Variants in PIK3R2 observed in about 807,000 individuals in gnomAD.
PIK3R2 encodes phosphoinositide-3-kinase regulatory subunit 2, also known as phosphatidylinositol 3-kinase regulatory subunit beta.
Under a neutral mutation model 78.5 loss-of-function variants are expected in PIK3R2, and 40 were observed. The ratio of observed to expected loss-of-function variants is 0.51; its 90% confidence interval spans 0.40 to 0.66. PIK3R2 has a LOEUF of 0.66. Ranked by LOEUF, PIK3R2 falls within the 30% of genes least tolerant of loss-of-function variation. The probability of loss-of-function intolerance (pLI) is 0.00; values close to 1 mark genes in which losing one functional copy is unlikely to be tolerated. For synonymous variants in PIK3R2, 473 were observed against 457.7 expected (o/e 1.03, Z -0.43); for missense variants, 880 against 1,026.6 (o/e 0.86, Z 1.95).
intron 2 of PIK3R2, among the ~76,000 whole-genome samples, chr19:18,158,043 T>G (rs916903663): frequency 6.6e-6 from 1 of 152,264 alleles, no homozygotes; most frequent in African/African-American, 2.4e-5. Context: ...TAATTTTCTT[T>G]CTTTTCTAAA....
At position 18,153,301 on chromosome 19, in the gene PIK3R2, C is replaced by T. The variant is rs2043632838; in HGVS notation, c.-424+7C>T. Reference sequence around the variant, plus strand: ...CGGTGGCGGCCGCGACCAGGTGAGTCCTGACTGGCCCTCGTGGCGGGGGCG... The same window carrying T: ...CGGTGGCGGCCGCGACCAGGTGAGTTCTGACTGGCCCTCGTGGCGGGGGCG... On this transcript the variant is annotated splice_region_variant and intron_variant, in intron 1 of 15. Coordinates refer to ENST00000222254, the MANE Select transcript of PIK3R2 (RefSeq NM_005027.4). 1 of 153,882 alleles carries T rather than the reference C, an allele frequency of 6.5e-6. No individual in the cohort carries two copies. The highest frequency in any genetic ancestry group is 6.5e-5 in the Admixed American group (1 of 15,290). 9.5% of individuals were successfully genotyped at this position (153,882 alleles called of 1,614,324 possible).
intron 3 of PIK3R2, 80 bp downstream of exon 3, chr19:18,160,643 T>G (rs1195948690): frequency 8.8e-7 from 1 of 1,139,150 alleles, no homozygotes; most frequent in Non-Finnish European, 1.3e-6. Flanking sequence ...TCACAGGGCC[T>G]CCAAGCTCAT....
At chr19:18,169,040 G>T in intron 15 of PIK3R2, 47 bp from the exon 16 acceptor site, 1 of 1,585,098 alleles carries the variant, frequency 6.3e-7, no homozygotes. Flanking sequence ...GGGAAAGCTT[G>T]GCGGGGAGGC....
chr19:18,166,424 C>A, intron 12 of PIK3R2, 122 bp downstream of exon 12: 2 of 813,150 alleles, frequency 2.5e-6, no homozygotes, highest in Non-Finnish European at 3.9e-6. Flanking sequence ...TTGAAATGGA[C>A]TTTGGGCCTG....
In PIK3R2 at chr19:18,170,426, C is replaced by A. The variant is rs1482628271; in HGVS notation, c.*1132C>A. 3.3e-5 allele frequency: 5 copies of A among 152,232 alleles called. No homozygotes were observed. The highest frequency in any genetic ancestry group is 3.3e-4 in the Admixed American group (5 of 15,284). 9.4% of individuals were successfully genotyped at this position (152,232 alleles called of 1,614,324 possible). On this transcript the variant is annotated 3_prime_UTR_variant, in exon 16 of 16. Coordinates refer to ENST00000222254, the MANE Select transcript of PIK3R2 (RefSeq NM_005027.4). ...TCCTCTCCTCTTTTGGGACAAGAGC[C>A]CTGGTTTTCTACGCTGCCCTTGGCC... is the stretch of plus-strand genomic sequence containing the variant.
In PIK3R2 at chr19:18,163,253, G is replaced by A. The variant is rs371619761; in HGVS notation, c.1291-10G>A. 33 of 1,614,078 alleles carry A rather than the reference G, an allele frequency of 2.0e-5. No homozygotes were observed. The highest frequency in any genetic ancestry group is 5.3e-5 in the African/African-American group (4 of 75,006). ...TATGCATCTCCCCTCATTCCGCCAC[G>A]TATCTCCAGGACCAGATTGTCAAGG... On this transcript the variant is annotated splice_polypyrimidine_tract_variant and intron_variant, in intron 10 of 15. Coordinates refer to ENST00000222254, the MANE Select transcript of PIK3R2 (RefSeq NM_005027.4).
Position 18,161,411 on chromosome 19 carries a change from G to C in PIK3R2, c.731G>C (p.Arg244Pro). 8.2e-7 allele frequency: 1 copy of C among 1,213,118 alleles called. No individual in the cohort carries two copies. The highest frequency in any genetic ancestry group is 1.0e-6 in the Non-Finnish European group (1 of 977,838). 75.1% of individuals were successfully genotyped at this position (1,213,118 alleles called of 1,614,324 possible). ...GCCCCGGCCCTGGGTCCCGCGGTCC[G>C]GGCCCTGGGCGCCACCTTTGGGCCG... ...SRAPALGPAV[R>P]ALGATFGPLL... Residue 244 changes from arginine (R) to proline (P), a missense_variant, in exon 6 of 16, where the codon CGG becomes CCG. Arg to Pro is a moderately radical substitution (Grantham distance 103). Around this residue, in one of 3 missense-constraint regions of PIK3R2, gnomAD observed 456 missense variants for 486.6 expected, o/e 0.94. Coordinates refer to ENST00000222254, the MANE Select transcript of PIK3R2 (RefSeq NM_005027.4). This position sits in a 1 kb window ranked among gnomAD's most constrained non-coding sequence, Gnocchi z 5.3.
In PIK3R2 at chr19:18,161,773, A is replaced by G. The variant is rs890444756; in HGVS notation, c.816-193A>G. 6.6e-6 allele frequency among the ~76,000 whole-genome samples: 1 copy of G among 152,118 alleles called. No homozygotes were observed. Among genetic ancestry groups the G allele is most frequent in the South Asian group, 2.1e-4 (1 of 4,828 alleles). ...GGTCTCTCGCTCGCCTTTGTGTGAG[A>G]ATCTATGGAGCACTTACTGCATACA... On this transcript the variant is annotated intron_variant, in intron 6 of 15. Coordinates refer to ENST00000222254, the MANE Select transcript of PIK3R2 (RefSeq NM_005027.4). The surrounding 1 kb of genome is among the most constrained non-coding windows in gnomAD (Gnocchi z 5.3).
Position 18,161,411 on chromosome 19 carries a change from G to T in PIK3R2, c.731G>T (p.Arg244Leu), listed in dbSNP as rs1274235759. The change falls in exon 6 of 16, where the codon CGG becomes CTG. Residue 244 changes from arginine (R) to leucine (L), a missense_variant. Around this residue, in one of 3 missense-constraint regions of PIK3R2, gnomAD observed 456 missense variants for 486.6 expected, o/e 0.94. Transcript: ENST00000222254. The surrounding 1 kb of genome is among the most constrained non-coding windows in gnomAD (Gnocchi z 5.3). ...SRAPALGPAVRALGATFGPLL... is the reference protein window; with the variant it reads ...SRAPALGPAVLALGATFGPLL... ...GCCCCGGCCCTGGGTCCCGCGGTCC[G>T]GGCCCTGGGCGCCACCTTTGGGCCG... 6.6e-6 allele frequency: 8 copies of T among 1,213,118 alleles called. No homozygotes were observed. The highest frequency in any genetic ancestry group is 8.2e-6 in the Non-Finnish European group (8 of 977,838). 75.1% of individuals were successfully genotyped at this position (1,213,118 alleles called of 1,614,324 possible).
chr19:18,156,188 G>T lies in PIK3R2; in HGVS notation c.309G>T (p.Gly103=). The change falls in exon 2 of 16, where the codon GGG becomes GGT. Residue 103 remains glycine, a synonymous_variant. Coordinates refer to ENST00000222254, the MANE Select transcript of PIK3R2 (RefSeq NM_005027.4). The surrounding 1 kb of genome is among the most constrained non-coding windows in gnomAD (Gnocchi z 4.2). ...PRPLPARPRD[G]APEPGLTLPD... ...CACTGCCCGCCAGGCCCCGTGATGGGGCCCCTGAGCCAGGTGAGCAGCAAG... is the reference window on the plus strand; with the variant it reads ...CACTGCCCGCCAGGCCCCGTGATGGTGCCCCTGAGCCAGGTGAGCAGCAAG... The T allele has an allele frequency of 6.8e-7, 1 of 1,462,096 alleles. No individual in the cohort carries two copies. Among genetic ancestry groups the T allele is most frequent in the South Asian group, 1.5e-5 (1 of 68,230 alleles). 90.6% of individuals were successfully genotyped at this position (1,462,096 alleles called of 1,614,324 possible).
At chr19:18,165,213 C>CA (rs34085712) in intron 11 of PIK3R2, among the ~76,000 whole-genome samples, 85,342 of 150,874 alleles carry the variant, frequency 0.57, 24,216 homozygotes, top group East Asian at 0.74. Flanking sequence ...ACTAAAAATA[C>CA]AAAAAATTAG....
Position 18,168,646 on chromosome 19 carries a change from A to G in PIK3R2, c.1809-80A>G. 1 of 1,248,468 alleles carries G rather than the reference A, an allele frequency of 8.0e-7. No homozygotes were observed. Among genetic ancestry groups the G allele is most frequent in the Non-Finnish European group, 1.2e-6 (1 of 851,976 alleles). The allele number at this position is 1,248,468 out of a possible 1,614,324, so 77.3% of individuals were successfully genotyped here. On this transcript the variant is annotated intron_variant, in intron 14 of 15. Transcript: ENST00000222254. The surrounding 1 kb of genome is among the most constrained non-coding windows in gnomAD (Gnocchi z 4.1). The stretch of plus-strand genomic sequence containing the variant: ...GAGTAGGAGTTCACCAGGGAGGAAA[A>G]GTTGTCCAGGCAGCTGGGGAGCCTC...
chr19:18,164,545 G>T (rs1005574162), intron 11 of PIK3R2, among the ~76,000 whole-genome samples: 73 of 152,176 alleles, frequency 4.8e-4, no homozygotes, highest in African/African-American at 1.8e-3. Context: ...AGCTTCTTTT[G>T]CAAGTTAAGA....
intron 12 of PIK3R2, 150 bp downstream of exon 12, chr19:18,166,452 T>C: frequency 1.5e-6 from 1 of 676,242 alleles, no homozygotes; most frequent in Non-Finnish European, 2.5e-6. Flanking sequence ...GGCTCAGGCC[T>C]GTAATCCCAG....
At chr19:18,154,819 G>A (rs1007845618) in intron 1 of PIK3R2, among the ~76,000 whole-genome samples, 1 of 151,162 alleles carries the variant, frequency 6.6e-6, no homozygotes, top group African/African-American at 2.4e-5. Flanking sequence ...GCTCACACCT[G>A]TAATCCCAAC....
In PIK3R2 at chr19:18,159,144, C is replaced by CTTTTTTTTTTTTTTTTTTTT. The variant is rs57543686; in HGVS notation, c.323-1308_323-1307insTTTTTTTTTTTTTTTTTTTT. On this transcript the variant is annotated intron_variant, in intron 2 of 15. Transcript: ENST00000222254. ...GGAGTGAGCCACTGCGCCTGGCCTC[C>CTTTTTTTTTTTTTTTTTTTT]TTTTTTTTTTTTTTTTTTTAAATTA... Among the ~76,000 whole-genome samples the CTTTTTTTTTTTTTTTTTTTT allele has an allele frequency of 2.0e-4, 10 of 50,042 alleles. 1 individual carries two copies. Among genetic ancestry groups the CTTTTTTTTTTTTTTTTTTTT allele is most frequent in the Admixed American group, 3.5e-4 (1 of 2,898 alleles). 32.8% of individuals were successfully genotyped at this position (50,042 alleles called of 152,430 possible).
At position 18,162,509 on chromosome 19, in the gene PIK3R2, G is replaced by A. The variant is rs1307106276; in HGVS notation, c.1109+3G>A. 2.5e-6 allele frequency: 4 copies of A among 1,611,776 alleles called. No individual in the cohort carries two copies. The highest frequency in any genetic ancestry group is 2.5e-6 in the Non-Finnish European group (3 of 1,178,804). ...GGCGAGTACACGCTGACCCTCAGGT[G>A]GGGGCCTGTCCCTGCAAGGATAACC... is the stretch of plus-strand genomic sequence containing the variant. On this transcript the variant is annotated splice_donor_region_variant and intron_variant, in intron 9 of 15. Transcript: ENST00000222254.
intron 11 of PIK3R2, among the ~76,000 whole-genome samples, chr19:18,164,782 C>T (rs1424259326): frequency 3.3e-5 from 5 of 150,356 alleles, no homozygotes; most frequent in Non-Finnish European, 5.9e-5. Context: ...ACTACAGGCA[C>T]GTGCCACCAT....
Position 18,161,572 on chromosome 19 carries a change from G to T in PIK3R2, c.815+77G>T. ...CGGGCGGGGCATGGCCAGAGTGAGCGGCGTCTAGACCCTAAGAAGGGAGGG... is the reference window on the plus strand; with the variant it reads ...CGGGCGGGGCATGGCCAGAGTGAGCTGCGTCTAGACCCTAAGAAGGGAGGG... On this transcript the variant is annotated intron_variant, in intron 6 of 15. Transcript: ENST00000222254. The surrounding 1 kb of genome is among the most constrained non-coding windows in gnomAD (Gnocchi z 5.3). 1 of 512,636 alleles carries T rather than the reference G, an allele frequency of 2.0e-6. No homozygotes were observed. The highest frequency in any genetic ancestry group is 3.0e-6 in the Non-Finnish European group (1 of 338,524). The allele number at this position is 512,636 out of a possible 1,614,324, so 31.8% of individuals were successfully genotyped here.
Sources: allele counts gnomAD v4.1 joint callset (sites outside exome capture counted in the v4.1 genomes callset), GRCh38; gene constraint gnomAD v4.1.1; regional missense constraint gnomAD v4.1.1; non-coding constraint Gnocchi (gnomAD v3.1); transcripts MANE v1.5; gene names NCBI Gene and HGNC (gene_info 2026-07-23, HGNC 2026-07-21).